The following CLEC14A variants were observed in gnomAD, a reference collection of about 807,000 sequenced individuals.
CLEC14A encodes C-type lectin domain containing 14A.
For missense variants in CLEC14A, 682 were observed against 659.9 expected, an observed-to-expected ratio of 1.03 and a Z score of -0.37; for synonymous variants, 349 against 292.0, an observed-to-expected ratio of 1.20 and a Z score of -1.99.
Position 38,254,519 on chromosome 14 carries a change from G to T in CLEC14A, c.*31C>A. ...CCCGTTTCATCAAAAGTGAAAAACTGTTCACAGGAGTGCCCATGTCCCCTG... is the reference window on the plus strand; with the variant it reads ...CCCGTTTCATCAAAAGTGAAAAACTTTTCACAGGAGTGCCCATGTCCCCTG... On this transcript the variant is annotated 3_prime_UTR_variant, in exon 1 of 1. Transcript: ENST00000342213. 6.6e-7 allele frequency: 1 copy of T among 1,514,414 alleles called. No homozygotes were observed. Among genetic ancestry groups the T allele is most frequent in the Admixed American group, 2.2e-5 (1 of 44,494 alleles). The allele number at this position is 1,514,414 out of a possible 1,614,324, so 93.8% of individuals were successfully genotyped here.
Position 38,254,518 on chromosome 14 carries a change from T to C in CLEC14A, c.*32A>G. ...CCCCGTTTCATCAAAAGTGAAAAACTGTTCACAGGAGTGCCCATGTCCCCT... is the reference window on the plus strand; with the variant it reads ...CCCCGTTTCATCAAAAGTGAAAAACCGTTCACAGGAGTGCCCATGTCCCCT... On this transcript the variant is annotated 3_prime_UTR_variant, in exon 1 of 1. Transcript: ENST00000342213. 5 of 1,508,270 alleles carry C rather than the reference T, an allele frequency of 3.3e-6. No individual in the cohort carries two copies. The South Asian group carries it at 6.9e-5, about 21-fold the overall frequency. The allele number at this position is 1,508,270 out of a possible 1,614,324, so 93.4% of individuals were successfully genotyped here. A position where few individuals can be genotyped will look rare whatever the true frequency, so the allele number is the denominator to read the frequency against.
In CLEC14A at chr14:38,256,083, G is replaced by C. The variant is rs1014203987; in HGVS notation, c.-61C>G. 7.0e-7 allele frequency: 1 copy of C among 1,426,880 alleles called. No individual in the cohort carries two copies. Among genetic ancestry groups the C allele is most frequent in the African/African-American group, 1.5e-5 (1 of 66,586 alleles). The allele number at this position is 1,426,880 out of a possible 1,614,324, so 88.4% of individuals were successfully genotyped here. A position where few individuals can be genotyped will look rare whatever the true frequency, so the allele number is the denominator to read the frequency against. ...TGGATCTGTCCCGCTCGAGGACGCAGAGCTGTGTCTGGAGCGCGGTCACCG... is the reference window on the plus strand; with the variant it reads ...TGGATCTGTCCCGCTCGAGGACGCACAGCTGTGTCTGGAGCGCGGTCACCG... On this transcript the variant is annotated 5_prime_UTR_variant, in exon 1 of 1. Transcript: ENST00000342213.
rs1026259764 is a variant in CLEC14A, at chr14:38,254,609, G to C, written c.1414C>G (p.Arg472Gly). The change falls in exon 1 of 1, where the codon CGG (arginine) becomes GGG (glycine). Residue 472 changes from arginine (R) to glycine (G), a missense_variant. Coordinates refer to ENST00000342213, the MANE Select transcript of CLEC14A (RefSeq NM_175060.3). Reference sequence around the variant, plus strand: ...AGCAAGGCACCCTCTGCTCTGTCCCGCAGATCACAGTCCCCGACTTTCACC... The same window carrying C: ...AGCAAGGCACCCTCTGCTCTGTCCCCCAGATCACAGTCCCCGACTTTCACC... ...NGVKVGDCDLRDRAEGALLAE... is the reference protein window; with the variant it reads ...NGVKVGDCDLGDRAEGALLAE... The C allele has an allele frequency of 1.4e-5, 23 of 1,613,618 alleles. No homozygotes were observed. Among genetic ancestry groups the C allele is most frequent in the Non-Finnish European group, 1.9e-5 (22 of 1,179,826 alleles).
At position 38,255,064 on chromosome 14, in the gene CLEC14A, G is replaced by A. The variant is rs774204446; in HGVS notation, c.959C>T (p.Pro320Leu). The A allele has an allele frequency of 6.2e-7, 1 of 1,612,896 alleles. No individual in the cohort carries two copies. Among genetic ancestry groups the A allele is most frequent in the East Asian group, 2.2e-5 (1 of 44,856 alleles). The change falls in exon 1 of 1, where the codon CCA (proline) becomes CTA (leucine). Residue 320 changes from proline (P) to leucine (L), a missense_variant. Coordinates refer to ENST00000342213, the MANE Select transcript of CLEC14A (RefSeq NM_175060.3). This position sits in a 1 kb window ranked among gnomAD's most constrained non-coding sequence, Gnocchi z 5.1. Reference sequence around the variant, plus strand: ...TCCCAGCTTCTCGTCGACCCTGATTGGCCATGTTCTCTGCGGCACGGGGCT... The same window carrying A: ...TCCCAGCTTCTCGTCGACCCTGATTAGCCATGTTCTCTGCGGCACGGGGCT... Reference protein sequence around the residue: ...ATSPVPQRTWPIRVDEKLGET... With the variant: ...ATSPVPQRTWLIRVDEKLGET...
In CLEC14A at chr14:38,254,498, T is replaced by G. The variant is rs907739350; in HGVS notation, c.*52A>C. The G allele has an allele frequency of 3.2e-5, 48 of 1,486,846 alleles. No homozygotes were observed. In the East Asian group the frequency reaches 1.1e-3, roughly 33 times the overall value. 92.1% of individuals were successfully genotyped at this position (1,486,846 alleles called of 1,614,324 possible). On this transcript the variant is annotated 3_prime_UTR_variant, in exon 1 of 1. Coordinates refer to ENST00000342213, the MANE Select transcript of CLEC14A (RefSeq NM_175060.3). ...CAAGTAAGTTCCTCTTGGTTCCCCG[T>G]TTCATCAAAAGTGAAAAACTGTTCA...
rs1003004217 is a variant in CLEC14A at position 38,254,908 on chromosome 14, G to C, written c.1115C>G (p.Pro372Arg). 3.7e-6 allele frequency: 6 copies of C among 1,614,070 alleles called. No homozygotes were observed. The highest frequency in any genetic ancestry group is 5.1e-6 in the Non-Finnish European group (6 of 1,180,026). ...LQAESKATIT[P>R]SGSVISKFNS... Reference sequence around the variant, plus strand: ...AAACTTGGAAATCACGCTCCCTGATGGGGTGATAGTGGCCTTTGACTCGGC... The same window carrying C: ...AAACTTGGAAATCACGCTCCCTGATCGGGTGATAGTGGCCTTTGACTCGGC... Residue 372 changes from proline (P) to arginine (R), a missense_variant, in exon 1 of 1, where the codon CCA becomes CGA. Physicochemically the swap from Pro to Arg is moderately radical, Grantham distance 103 (BLOSUM62 -2). Coordinates refer to ENST00000342213, the MANE Select transcript of CLEC14A (RefSeq NM_175060.3).
rs1432536766 is a variant in CLEC14A, at chr14:38,255,891, G to A, written c.132C>T (p.Thr44=). ...SGACYSLHHA[T]MKRQAAEEAC... ...CCTCCTCGGCCGCCTGCCGCTTCAT[G>A]GTAGCGTGGTGCAGGCTGTAGCAGG... The change falls in exon 1 of 1, where the codon ACC becomes ACT. Residue 44 remains threonine, a synonymous_variant. Coordinates refer to ENST00000342213, the MANE Select transcript of CLEC14A (RefSeq NM_175060.3). The surrounding 1 kb of genome is among the most constrained non-coding windows in gnomAD (Gnocchi z 5.1). The A allele has an allele frequency of 6.4e-7, 1 of 1,570,236 alleles. No homozygotes were observed. The highest frequency in any genetic ancestry group is 8.6e-7 in the Non-Finnish European group (1 of 1,165,230).
rs1407795419 is a variant in CLEC14A at position 38,256,075 on chromosome 14, A to C, written c.-53T>G. The C allele has an allele frequency of 6.9e-7, 1 of 1,447,818 alleles. No individual in the cohort carries two copies. The highest frequency in any genetic ancestry group is 1.5e-5 in the African/African-American group (1 of 67,312). The allele number at this position is 1,447,818 out of a possible 1,614,324, so 89.7% of individuals were successfully genotyped here. On this transcript the variant is annotated 5_prime_UTR_variant, in exon 1 of 1. Transcript: ENST00000342213. Reference sequence around the variant, plus strand: ...TCCCAACTTGGATCTGTCCCGCTCGAGGACGCAGAGCTGTGTCTGGAGCGC... The same window carrying C: ...TCCCAACTTGGATCTGTCCCGCTCGCGGACGCAGAGCTGTGTCTGGAGCGC...
At position 38,255,876 on chromosome 14, in the gene CLEC14A, C is replaced by T. The variant is rs1348459274; in HGVS notation, c.147G>A (p.Ala49=). ...CTCGCAGGATGCAGGCCTCCTCGGC[C>T]GCCTGCCGCTTCATGGTAGCGTGGT... ...SLHHATMKRQ[A]AEEACILRGG... The change falls in exon 1 of 1, where the codon GCG becomes GCA. Residue 49 remains alanine (A), a synonymous_variant. Coordinates refer to ENST00000342213, the MANE Select transcript of CLEC14A (RefSeq NM_175060.3). The surrounding 1 kb of genome is among the most constrained non-coding windows in gnomAD (Gnocchi z 5.1). 3 of 1,558,198 alleles carry T rather than the reference C, an allele frequency of 1.9e-6. No homozygotes were observed. The highest frequency in any genetic ancestry group is 2.6e-6 in the Non-Finnish European group (3 of 1,159,632).
rs1243587769 is a variant in CLEC14A, at chr14:38,255,415, A to C, written c.608T>G (p.Leu203Arg). 6 of 1,613,396 alleles carry C rather than the reference A, an allele frequency of 3.7e-6. No homozygotes were observed. Among genetic ancestry groups the C allele is most frequent in the Non-Finnish European group, 5.1e-6 (6 of 1,180,016 alleles). ...RAPFQLHSAA[L>R]DFSPPGTEVS... ...CTCGGTCCCAGGTGGACTGAAGTCC[A>C]GAGCGGCGCTGTGCAGCTGGAAGGG... is the stretch of plus-strand genomic sequence containing the variant. Residue 203 changes from leucine to arginine, a missense_variant, in exon 1 of 1, where the codon CTG becomes CGG. By Grantham distance (102) the Leu-to-Arg change is moderately radical. Transcript: ENST00000342213. This position sits in a 1 kb window ranked among gnomAD's most constrained non-coding sequence, Gnocchi z 5.1.
At position 38,255,872 on chromosome 14, in the gene CLEC14A, C is replaced by G; in HGVS notation, c.151G>C (p.Glu51Gln). Residue 51 changes from glutamate to glutamine, a missense_variant, in exon 1 of 1, where the codon GAG (glutamate) becomes CAG (glutamine). Transcript: ENST00000342213. The surrounding 1 kb of genome is among the most constrained non-coding windows in gnomAD (Gnocchi z 5.1). ...CCACCTCGCAGGATGCAGGCCTCCT[C>G]GGCCGCCTGCCGCTTCATGGTAGCG... ...HHATMKRQAA[E>Q]EACILRGGAL... 1 of 1,555,982 alleles carries G rather than the reference C, an allele frequency of 6.4e-7. No individual in the cohort carries two copies. The highest frequency in any genetic ancestry group is 1.9e-4 in the Middle Eastern group (1 of 5,154).
At position 38,254,006 on chromosome 14, in the gene CLEC14A, C is replaced by A. The variant is rs1883988248; in HGVS notation, c.*544G>T. ...TCATTCGAGGAACTTAAGGACCTCT[C>A]CCTCAATCTAAAAGCAGAATGCACT... On this transcript the variant is annotated 3_prime_UTR_variant, in exon 1 of 1. Coordinates refer to ENST00000342213, the MANE Select transcript of CLEC14A (RefSeq NM_175060.3). 1 of 152,166 alleles carries A rather than the reference C, an allele frequency of 6.6e-6. No homozygotes were observed. Among genetic ancestry groups the A allele is most frequent in the African/African-American group, 2.4e-5 (1 of 41,444 alleles). 9.4% of individuals were successfully genotyped at this position (152,166 alleles called of 1,614,324 possible).
chr14:38,255,606 G>A lies in CLEC14A; in HGVS notation c.417C>T (p.Thr139=), dbSNP rs1448555281. 1 of 1,611,082 alleles carries A rather than the reference G, an allele frequency of 6.2e-7. No individual in the cohort carries two copies. The highest frequency in any genetic ancestry group is 1.3e-5 in the African/African-American group (1 of 74,922). The change falls in exon 1 of 1, where the codon ACC becomes ACT. Residue 139 remains threonine, a synonymous_variant. Transcript: ENST00000342213. The surrounding 1 kb of genome is among the most constrained non-coding windows in gnomAD (Gnocchi z 5.1). ...QWVEEPQRSC[T]ARRCAVLQAT... is the part of the protein sequence containing the mutation. Reference sequence around the variant, plus strand: ...CCTGGAGTACCGCGCATCTCCGCGCGGTGCAGGAGCGTTGGGGCTCCTCCA... The same window carrying A: ...CCTGGAGTACCGCGCATCTCCGCGCAGTGCAGGAGCGTTGGGGCTCCTCCA...
At position 38,254,017 on chromosome 14, in the gene CLEC14A, A is replaced by C. The variant is rs1883988354; in HGVS notation, c.*533T>G. On this transcript the variant is annotated 3_prime_UTR_variant, in exon 1 of 1. Transcript: ENST00000342213. ...ACTTAAGGACCTCTCCCTCAATCTA[A>C]AAGCAGAATGCACTCTTGCTGCTTA... 1 of 152,200 alleles carries C rather than the reference A, an allele frequency of 6.6e-6. No homozygotes were observed. Among genetic ancestry groups the C allele is most frequent in the African/African-American group, 2.4e-5 (1 of 41,440 alleles). The allele number at this position is 152,200 out of a possible 1,614,324, so 9.4% of individuals were successfully genotyped here.
rs770602104 is a variant in CLEC14A at position 38,255,688 on chromosome 14, C to G, written c.335G>C (p.Gly112Ala). 1.3e-6 allele frequency: 2 copies of G among 1,589,368 alleles called. No homozygotes were observed. The highest frequency in any genetic ancestry group is 1.3e-5 in the African/African-American group (1 of 74,546). The change falls in exon 1 of 1, where the codon GGT becomes GCT. Residue 112 changes from glycine (G) to alanine (A), a missense_variant. Transcript: ENST00000342213. This position sits in a 1 kb window ranked among gnomAD's most constrained non-coding sequence, Gnocchi z 5.1. ...HCTLENEPLRGFSWLSSDPGG... is the reference protein window; with the variant it reads ...HCTLENEPLRAFSWLSSDPGG... ...GGGGTCGGAGGACAGCCAGGAGAAACCCCGCAAAGGCTCGTTCTCCAGGGT... is the reference window on the plus strand; with the variant it reads ...GGGGTCGGAGGACAGCCAGGAGAAAGCCCGCAAAGGCTCGTTCTCCAGGGT...
At position 38,255,255 on chromosome 14, in the gene CLEC14A, G is replaced by T; in HGVS notation, c.768C>A (p.Cys256Ter). 1.9e-6 allele frequency: 3 copies of T among 1,613,832 alleles called. No individual in the cohort carries two copies. The highest frequency in any genetic ancestry group is 2.5e-6 in the Non-Finnish European group (3 of 1,180,040). ...CPGRYLRAGK[C>*]AELPNCLDDL... ...CGTCTAGGCAGTTAGGGAGCTCTGCGCATTTGCCAGCACGGAGGTACCTCC... is the reference window on the plus strand; with the variant it reads ...CGTCTAGGCAGTTAGGGAGCTCTGCTCATTTGCCAGCACGGAGGTACCTCC... The change falls in exon 1 of 1, where the codon TGC becomes TGA. Residue 256 changes from cysteine (C) to a stop codon, truncating the protein, a stop_gained. Transcript: ENST00000342213. LOFTEE classifies it low-confidence loss of function (END_TRUNC). This position sits in a 1 kb window ranked among gnomAD's most constrained non-coding sequence, Gnocchi z 5.1.
At position 38,255,326 on chromosome 14, in the gene CLEC14A, C is replaced by T. The variant is rs558964656; in HGVS notation, c.697G>A (p.Ala233Thr). The T allele has an allele frequency of 6.2e-7, 1 of 1,613,594 alleles. No individual in the cohort carries two copies. The highest frequency in any genetic ancestry group is 8.5e-7 in the Non-Finnish European group (1 of 1,180,048). ...SVTCIADEIG[A>T]RWDKLSGDVL... ...TCGCCCGAGAGTTTGTCCCAGCGAGCGCCGATTTCGTCCGCGATGCAAGTA... is the reference window on the plus strand; with the variant it reads ...TCGCCCGAGAGTTTGTCCCAGCGAGTGCCGATTTCGTCCGCGATGCAAGTA... Residue 233 changes from alanine (A) to threonine (T), a missense_variant, in exon 1 of 1, where the codon GCT becomes ACT. By Grantham distance (58) the Ala-to-Thr change is moderately conservative. Transcript: ENST00000342213. The surrounding 1 kb of genome is among the most constrained non-coding windows in gnomAD (Gnocchi z 5.1).
At position 38,255,298 on chromosome 14, in the gene CLEC14A, A is replaced by C. The variant is rs1884024098; in HGVS notation, c.725T>G (p.Val242Gly). The change falls in exon 1 of 1, where the codon GTG becomes GGG. Residue 242 changes from valine (V) to glycine (G), a missense_variant. Physicochemically the swap from Val to Gly is moderately radical, Grantham distance 109 (BLOSUM62 -3). Coordinates refer to ENST00000342213, the MANE Select transcript of CLEC14A (RefSeq NM_175060.3). This position sits in a 1 kb window ranked among gnomAD's most constrained non-coding sequence, Gnocchi z 5.1. ...GTACCTCCCGGGGCAGGGACACAAC[A>C]CATCGCCCGAGAGTTTGTCCCAGCG... ...GARWDKLSGD[V>G]LCPCPGRYLR... 1.9e-6 allele frequency: 3 copies of C among 1,613,672 alleles called. No individual in the cohort carries two copies. Among genetic ancestry groups the C allele is most frequent in the Non-Finnish European group, 2.5e-6 (3 of 1,180,016 alleles).
rs764324310 is a variant in CLEC14A at position 38,255,860 on chromosome 14, T to C, written c.163A>G (p.Ile55Val). 6 of 1,554,614 alleles carry C rather than the reference T, an allele frequency of 3.9e-6. 1 individual carries two copies. In the South Asian group the frequency reaches 4.7e-5, roughly 12 times the overall value. Residue 55 changes from isoleucine (I) to valine (V), a missense_variant, in exon 1 of 1, where the codon ATC becomes GTC. By Grantham distance (29) the Ile-to-Val change is conservative. Coordinates refer to ENST00000342213, the MANE Select transcript of CLEC14A (RefSeq NM_175060.3). This position sits in a 1 kb window ranked among gnomAD's most constrained non-coding sequence, Gnocchi z 5.1. ...MKRQAAEEAC[I>V]LRGGALSTVR... ...GTGCTGAGCGCCCCACCTCGCAGGA[T>C]GCAGGCCTCCTCGGCCGCCTGCCGC...
Sources: allele counts gnomAD v4.1 joint callset, GRCh38; gene constraint gnomAD v4.1.1; non-coding constraint Gnocchi (gnomAD v3.1); transcripts MANE v1.5; gene names NCBI Gene and HGNC (gene_info 2026-07-23, HGNC 2026-07-21).